TADA1: variants seen among roughly 807,000 people sequenced by gnomAD.
TADA1 encodes the protein transcriptional adaptor 1, also known as transcriptional adapter 1.
TADA1 carries 23 observed loss-of-function variants against 39.3 expected under a neutral mutation model. The observed-to-expected ratio is 0.58, with a 90% confidence interval of 0.42 to 0.83. The LOEUF (loss-of-function observed/expected upper bound fraction) is 0.83. Among genes scored for constraint, TADA1 ranks in the 40% least tolerant of loss-of-function variants. The pLI, the probability that TADA1 is intolerant of heterozygous loss-of-function variation, is 0.00. For missense variants in TADA1, 352 were observed against 408.1 expected (o/e 0.86, Z 1.18); for synonymous variants, 137 against 151.8 (o/e 0.90, Z 0.72).
chr1:166,869,242 A>G (rs1160901711), intron 3 of TADA1: 3 of 541,698 alleles, frequency 5.5e-6, no homozygotes, highest in South Asian at 2.5e-5. Context: ...ATGAGAAATC[A>G]TACCTTTTTC....
chr1:166,868,139 A>C (rs1658575834), intron 3 of TADA1, among the ~76,000 whole-genome samples: 1 of 152,218 alleles, frequency 6.6e-6, no homozygotes, highest in African/African-American at 2.4e-5. Flanking sequence ...TTTTTTTAAA[A>C]AGTCCAGTAT....
intron 1 of TADA1, among the ~76,000 whole-genome samples, chr1:166,875,404 C>G (rs923790321): frequency 2.7e-4 from 41 of 152,136 alleles, no homozygotes; most frequent in Non-Finnish European, 3.8e-4. Context: ...CTCTGGGATC[C>G]TTTACAGCCC....
At chr1:166,869,384 G>A (rs1414777558) in intron 3 of TADA1, 61 bp downstream of exon 3, 1 of 1,416,142 alleles carries the variant, frequency 7.1e-7, no homozygotes, top group Middle Eastern at 1.8e-4. Context: ...GTCTATTAGA[G>A]AAAGCTAAAG....
intron 3 of TADA1, among the ~76,000 whole-genome samples, chr1:166,866,101 G>A (rs1438586142): frequency 6.6e-6 from 1 of 152,188 alleles, no homozygotes; most frequent in Non-Finnish European, 1.5e-5. Flanking sequence ...GTGATGACAG[G>A]AAAGTAGGCT....
In TADA1 at chr1:166,861,211, C is replaced by T. The variant is rs78282209; in HGVS notation, c.541-874G>A. 6.4e-3 allele frequency among the ~76,000 whole-genome samples: 967 copies of T among 152,252 alleles called. 11 individuals carry two copies. The highest frequency in any genetic ancestry group is 0.022 in the African/African-American group (910 of 41,532). On this transcript the variant is annotated intron_variant, in intron 5 of 7. Coordinates refer to ENST00000367874, the MANE Select transcript of TADA1 (RefSeq NM_053053.4). ...CCTGTGAAAATAGAGTGACAGAACT[C>T]GTCCCAGGCTACCATTATTAATAGG... is the stretch of plus-strand genomic sequence containing the variant.
intron 7 of TADA1, among the ~76,000 whole-genome samples, 172 bp downstream of exon 7, chr1:166,857,947 A>G (rs6699788): frequency 0.027 from 4,083 of 152,226 alleles, 190 homozygotes; most frequent in African/African-American, 0.093. Flanking sequence ...GAGATAGAAG[A>G]TGGGCTCAGG....
intron 6 of TADA1, among the ~76,000 whole-genome samples, chr1:166,858,668 C>CA (rs1190073873): frequency 6.6e-6 from 1 of 152,066 alleles, no homozygotes; most frequent in Non-Finnish European, 1.5e-5. Flanking sequence ...AAGCAACAGG[C>CA]AAAAATGGAG....
At chr1:166,865,909 G>T (rs1351713595) in intron 3 of TADA1, among the ~76,000 whole-genome samples, 1 of 147,708 alleles carries the variant, frequency 6.8e-6, no homozygotes, top group Non-Finnish European at 1.5e-5. Context: ...GATATTTTTG[G>T]AAAGAAACGT....
At chr1:166,862,036 G>C (rs1194705875) in intron 5 of TADA1, among the ~76,000 whole-genome samples, 167 bp downstream of exon 5, 2 of 152,144 alleles carry the variant, frequency 1.3e-5, no homozygotes, top group African/African-American at 4.8e-5. Flanking sequence ...TCCAGCCTGG[G>C]AGACAAAGTG....
chr1:166,876,062 C>A, intron 1 of TADA1, 98 bp downstream of exon 1: 1 of 1,226,308 alleles, frequency 8.2e-7, no homozygotes, highest in Admixed American at 2.7e-5. Flanking sequence ...GCTGCACAGG[C>A]CCCCGGGCGA....
In TADA1 at chr1:166,857,019, G is replaced by A. The variant is rs1658292991; in HGVS notation, c.*548C>T. On this transcript the variant is annotated 3_prime_UTR_variant, in exon 8 of 8. Coordinates refer to ENST00000367874, the MANE Select transcript of TADA1 (RefSeq NM_053053.4). The stretch of plus-strand genomic sequence containing the variant: ...ACTTCCAAGTCATATTTCCTGTGGA[G>A]TTATAGTGATAAATTTCTCAGGGGC... 1.3e-5 allele frequency: 2 copies of A among 152,520 alleles called. No homozygotes were observed. The highest frequency in any genetic ancestry group is 1.3e-4 in the Admixed American group (2 of 15,328). 9.4% of individuals were successfully genotyped at this position (152,520 alleles called of 1,614,324 possible).
intron 3 of TADA1, among the ~76,000 whole-genome samples, chr1:166,865,792 A>C (rs1036714143): frequency 1.3e-4 from 19 of 151,576 alleles, no homozygotes; most frequent in South Asian, 4.2e-4. Flanking sequence ...GCACTCCAGC[A>C]TGGGCGACAG....
At chr1:166,859,901 C>A (rs1658367773) in intron 6 of TADA1, among the ~76,000 whole-genome samples, 1 of 152,154 alleles carries the variant, frequency 6.6e-6, no homozygotes, top group African/African-American at 2.4e-5. Context: ...TCAGGATGCA[C>A]CACCTATGCA....
chr1:166,860,396 C>G, intron 5 of TADA1, 59 bp from the exon 6 acceptor site: 1 of 1,511,616 alleles, frequency 6.6e-7, no homozygotes, highest in Non-Finnish European at 9.0e-7. Flanking sequence ...AATCATAAAA[C>G]TTCCACTGAC....
chr1:166,862,706 AAAG>A (rs1320449525), intron 4 of TADA1: 1 of 436,904 alleles, frequency 2.3e-6, no homozygotes, highest in Non-Finnish European at 4.1e-6. Flanking sequence ...AAAATAACTG[AAAG>A]AGAAGGAGAA....
Position 166,857,444 on chromosome 1 carries a change from A to G in TADA1, c.*123T>C, listed in dbSNP as rs1009048582. 9 of 1,130,452 alleles carry G rather than the reference A, an allele frequency of 8.0e-6. No homozygotes were observed. Among genetic ancestry groups the G allele is most frequent in the Non-Finnish European group, 1.0e-5 (8 of 799,708 alleles). 70.0% of individuals were successfully genotyped at this position (1,130,452 alleles called of 1,614,324 possible). ...AGCAACACAAAATGTACTCAATGTC[A>G]CATTTCCATAGGAAAGGTTATATAT... On this transcript the variant is annotated 3_prime_UTR_variant, in exon 8 of 8. Transcript: ENST00000367874.
At chr1:166,875,820 A>G (rs955444269) in intron 1 of TADA1, among the ~76,000 whole-genome samples, 1 of 152,228 alleles carries the variant, frequency 6.6e-6, no homozygotes. Context: ...ACTCCGCCCA[A>G]GTCAGCCTCC....
intron 1 of TADA1, among the ~76,000 whole-genome samples, chr1:166,874,658 T>C (rs751000049): frequency 2.4e-4 from 36 of 152,052 alleles, no homozygotes; most frequent in Admixed American, 7.8e-4. Context: ...GGGGCGTGCC[T>C]ACAGTCCCAG....
In TADA1 at chr1:166,858,278, A is replaced by T; in HGVS notation, c.696T>A (p.Pro232=). Residue 232 remains proline (P), a synonymous_variant, in exon 7 of 8, where the codon CCT becomes CCA. Transcript: ENST00000367874. The stretch of plus-strand genomic sequence containing the variant: ...CAGCACAGGGAGCAGTAAAAGCTGG[A>T]GGGCTGAAAATAAAAATTTCAGAAA... The part of the protein sequence containing the change: ...VVAYNNLIES[P]PAFTAPCAGQ... The T allele has an allele frequency of 6.5e-7, 1 of 1,540,444 alleles. No homozygotes were observed. The highest frequency in any genetic ancestry group is 8.7e-7 in the Non-Finnish European group (1 of 1,146,692).
Sources: allele counts gnomAD v4.1 joint callset (sites outside exome capture counted in the v4.1 genomes callset), GRCh38; gene constraint gnomAD v4.1.1; transcripts MANE v1.5; gene names NCBI Gene and HGNC (gene_info 2026-07-23, HGNC 2026-07-21).